KAT6B: variants seen among roughly 807,000 people sequenced by gnomAD.
KAT6B encodes histone acetyltransferase KAT6B.
Under a neutral mutation model 187.5 loss-of-function variants are expected in KAT6B, and 10 were observed. That is an observed-to-expected ratio of 0.05 (90% CI 0.03 to 0.09). The LOEUF (loss-of-function observed/expected upper bound fraction) is 0.09, where lower values mean the gene tolerates loss of function less well. Among genes scored for constraint, KAT6B ranks in the 10% least tolerant of loss-of-function variants. The pLI is 1.00. For missense variants in KAT6B, 1,952 were observed against 2,558.9 expected (o/e 0.76, Z 5.12); for synonymous variants, 861 against 926.8 (o/e 0.93, Z 1.29).
chr10:74,989,198 C>T (rs1249930634), intron 13 of KAT6B, 86 bp downstream of exon 13: 4 of 937,518 alleles, frequency 4.3e-6, no homozygotes, highest in African/African-American at 1.6e-5. Flanking sequence ...TTTATTTAAC[C>T]TGCATTGTTG....
chr10:74,853,546 G>A (rs1047777952), intron 3 of KAT6B, among the ~76,000 whole-genome samples: 5 of 151,684 alleles, frequency 3.3e-5, no homozygotes, highest in Admixed American at 1.3e-4. Context: ...CACACACCTC[G>A]GCCTCCCAAA....
chr10:74,985,009 A>T (rs1217802601), intron 11 of KAT6B, 71 bp from the exon 12 acceptor site: 11 of 1,343,374 alleles, frequency 8.2e-6, no homozygotes, highest in East Asian at 2.3e-5. Context: ...CTGAAATACC[A>T]TATAGAAGAA....
rs575202694 is a variant in KAT6B at position 74,828,875 on chromosome 10, G to A, written c.-329+2090G>A. Among the ~76,000 whole-genome samples the A allele has an allele frequency of 5.3e-5, 8 of 152,134 alleles. No individual in the cohort carries two copies. The East Asian group carries it at 1.5e-3, about 29-fold the overall frequency. On this transcript the variant is annotated intron_variant, in intron 1 of 17. Coordinates refer to ENST00000287239, the MANE Select transcript of KAT6B (RefSeq NM_012330.4). ...AGCCACCGCGCCCGGCCATTCATAAGTTCTTTACACATTTATCAGAATGAA... is the reference window on the plus strand; with the variant it reads ...AGCCACCGCGCCCGGCCATTCATAAATTCTTTACACATTTATCAGAATGAA...
At chr10:74,945,672 A>G (rs1839897854) in intron 3 of KAT6B, among the ~76,000 whole-genome samples, 1 of 151,508 alleles carries the variant, frequency 6.6e-6, no homozygotes, top group Non-Finnish European at 1.5e-5. Context: ...CTGGTCTCCA[A>G]CTCCTGAGCT....
chr10:74,944,734 A>AG (rs1288525774), intron 3 of KAT6B, among the ~76,000 whole-genome samples: 1 of 129,572 alleles, frequency 7.7e-6, no homozygotes. Context: ...GCGTGAGCCC[A>AG]GGGGGCGGAG....
intron 2 of KAT6B, among the ~76,000 whole-genome samples, chr10:74,841,530 A>C (rs1288668029): frequency 6.6e-6 from 1 of 151,772 alleles, no homozygotes; most frequent in African/African-American, 2.4e-5. Flanking sequence ...GCGCTATTGC[A>C]CTCCAGCCTG....
At chr10:74,934,957 A>T (rs1055982358) in intron 3 of KAT6B, among the ~76,000 whole-genome samples, 7 of 144,520 alleles carry the variant, frequency 4.8e-5, no homozygotes, top group African/African-American at 1.8e-4. Flanking sequence ...TGTCCTGGTT[A>T]CTGTTTCTAA....
intron 13 of KAT6B, among the ~76,000 whole-genome samples, chr10:74,990,507 A>G (rs1337665800): frequency 1.3e-5 from 2 of 152,156 alleles, no homozygotes; most frequent in African/African-American, 4.8e-5. Context: ...GAAGAATATG[A>G]TTCTTTTAAA....
At position 75,029,015 on chromosome 10, in the gene KAT6B, G is replaced by A. The variant is rs777151582; in HGVS notation, c.4191G>A (p.Thr1397=). The A allele has an allele frequency of 3.8e-5, 61 of 1,613,848 alleles. No homozygotes were observed. The highest frequency in any genetic ancestry group is 2.9e-4 in the East Asian group (13 of 44,892). The change falls in exon 18 of 18, where the codon ACG becomes ACA. Residue 1397 remains threonine (T), a synonymous_variant. Coordinates refer to ENST00000287239, the MANE Select transcript of KAT6B (RefSeq NM_012330.4). This position sits in a 1 kb window ranked among gnomAD's most constrained non-coding sequence, Gnocchi z 6.2. ...AAAAAGAGGAACCAGAAATCTCCAC[G>A]GAAAAAGAAGACTCTGCACGTTTGG... ...SQEKEEPEIS[T]EKEDSARLDD... is the part of the protein sequence containing the mutation.
intron 3 of KAT6B, among the ~76,000 whole-genome samples, chr10:74,876,998 G>A (rs139638477): frequency 4.8e-4 from 73 of 151,562 alleles, no homozygotes; most frequent in African/African-American, 1.6e-3. Context: ...GAAAAGTCTC[G>A]CTCTGTTGCT....
intron 3 of KAT6B, among the ~76,000 whole-genome samples, chr10:74,873,546 AGAGGAGGGCAAGCCTGG>A (rs1844174553): frequency 6.6e-6 from 1 of 152,166 alleles, no homozygotes; most frequent in Admixed American, 6.6e-5. Flanking sequence ...GAGCAAGGGT[AGAGGAGGGCAAGCCTGG>A]GAGGAGGCCT....
At chr10:74,829,050 G>T (rs1840526106) in intron 1 of KAT6B, among the ~76,000 whole-genome samples, 1 of 151,710 alleles carries the variant, frequency 6.6e-6, no homozygotes, top group African/African-American at 2.4e-5. Flanking sequence ...GACAGAGGAA[G>T]ATTTTAACAT....
chr10:74,980,974 C>T (rs543366621), intron 10 of KAT6B, among the ~76,000 whole-genome samples: 23 of 152,288 alleles, frequency 1.5e-4, no homozygotes, highest in African/African-American at 5.3e-4. Context: ...ACTTTTCAGC[C>T]TCATATGTAT....
chr10:75,031,777 G>C lies in KAT6B; in HGVS notation c.*731G>C, dbSNP rs1196583514. 1 of 207,792 alleles carries C rather than the reference G, an allele frequency of 4.8e-6. No individual in the cohort carries two copies. Among genetic ancestry groups the C allele is most frequent in the East Asian group, 7.4e-5 (1 of 13,554 alleles). 12.9% of individuals were successfully genotyped at this position (207,792 alleles called of 1,614,324 possible). A position where few individuals can be genotyped will look rare whatever the true frequency, so the allele number is the denominator to read the frequency against. On this transcript the variant is annotated 3_prime_UTR_variant, in exon 18 of 18. Coordinates refer to ENST00000287239, the MANE Select transcript of KAT6B (RefSeq NM_012330.4). ...CTTTGGGGAAAAAAGGCAGCTTTCT[G>C]TTTTATAAATGCAGACTTCTGTTTA...
chr10:74,896,866 C>T (rs1027520523), intron 3 of KAT6B, among the ~76,000 whole-genome samples: 15 of 152,114 alleles, frequency 9.9e-5, no homozygotes, highest in East Asian at 1.9e-4. Flanking sequence ...TCTTATTTCA[C>T]GTAAACTGTA....
chr10:74,981,835 T>C lies in KAT6B; in HGVS notation c.2280T>C (p.Ser760=). The part of the protein sequence containing the change: ...LCEFCLKYMK[S]KNILLRHSKK... ...AATTCTGTCTTAAATATATGAAAAG[T>C]AAAAATATTTTGCTAAGACACTCCA... The change falls in exon 11 of 18, where the codon AGT becomes AGC. Residue 760 remains serine (S), a synonymous_variant. Transcript: ENST00000287239. 6.3e-7 allele frequency: 1 copy of C among 1,582,026 alleles called. No homozygotes were observed.
chr10:74,975,119 T>C (rs755587432), intron 7 of KAT6B, among the ~76,000 whole-genome samples: 1 of 152,180 alleles, frequency 6.6e-6, no homozygotes, highest in Non-Finnish European at 1.5e-5. Flanking sequence ...AAGCATTGGG[T>C]GTTCTTTTAG....
intron 3 of KAT6B, among the ~76,000 whole-genome samples, chr10:74,946,895 C>T (rs149402502): frequency 2.6e-5 from 4 of 152,024 alleles, no homozygotes; most frequent in East Asian, 3.9e-4. Flanking sequence ...TGTACAACAA[C>T]GGGAATGTAG....
chr10:74,863,045 C>G (rs1375165909), intron 3 of KAT6B, among the ~76,000 whole-genome samples: 4 of 152,164 alleles, frequency 2.6e-5, no homozygotes, highest in Non-Finnish European at 5.9e-5. Context: ...TTTAAGTAAT[C>G]AGAAAAGGAG....
Sources: gnomAD v4.1 joint callset for allele counts (sites outside exome capture counted in the v4.1 genomes callset) on GRCh38, gnomAD v4.1.1 for gene constraint, Gnocchi (gnomAD v3.1) non-coding constraint, MANE v1.5 for transcripts, NCBI Gene and HGNC (gene_info 2026-07-23, HGNC 2026-07-21) for gene names.